The following DCLK1 variants were observed in gnomAD, a reference collection of about 807,000 sequenced individuals.
The protein encoded by DCLK1 is doublecortin like kinase 1, also known as serine/threonine-protein kinase DCLK1.
A neutral mutation model predicts 86.2 loss-of-function variants in DCLK1; 16 were observed. The ratio of observed to expected loss-of-function variants is 0.19; its 90% CI spans 0.13 to 0.28. DCLK1 has a LOEUF of 0.28. DCLK1 is among the 10% of genes least tolerant of loss of function. The pLI is 1.00. For missense variants in DCLK1, 590 were observed against 940.2 expected, an observed-to-expected ratio of 0.63 and a Z score of 4.87; for synonymous variants, 369 against 370.5, an observed-to-expected ratio of 1.00 and a Z score of 0.05.
intron 3 of DCLK1, among the ~76,000 whole-genome samples, chr13:36,002,440 C>T (rs567139475): frequency 6.6e-6 from 1 of 152,114 alleles, no homozygotes; most frequent in African/African-American, 2.4e-5. Flanking sequence ...TATCCTTCAA[C>T]GTTAAATAAC....
chr13:36,124,002 G>C (rs1037225489), intron 2 of DCLK1, among the ~76,000 whole-genome samples: 1 of 152,174 alleles, frequency 6.6e-6, no homozygotes, highest in African/African-American at 2.4e-5. Flanking sequence ...TCATTTCTGG[G>C]TGGGAAACTG....
intron 3 of DCLK1, among the ~76,000 whole-genome samples, chr13:35,991,352 T>A (rs571499495): frequency 6.6e-6 from 1 of 152,244 alleles, no homozygotes; most frequent in Non-Finnish European, 1.5e-5. Context: ...CATTTCCTTA[T>A]GAAGACTCCT....
At chr13:36,088,397 G>A (rs1273307049) in intron 3 of DCLK1, among the ~76,000 whole-genome samples, 1 of 152,188 alleles carries the variant, frequency 6.6e-6, no homozygotes, top group Admixed American at 6.5e-5. Flanking sequence ...TGTACTTCAG[G>A]AGCAGCCTCA....
At chr13:35,948,379 A>G (rs893816253) in intron 3 of DCLK1, among the ~76,000 whole-genome samples, 1 of 152,182 alleles carries the variant, frequency 6.6e-6, no homozygotes, top group African/African-American at 2.4e-5. Context: ...TAGATGTTGT[A>G]ATAGCATTTT....
chr13:35,983,395 A>G (rs1005692315), intron 3 of DCLK1, among the ~76,000 whole-genome samples: 3 of 152,148 alleles, frequency 2.0e-5, no homozygotes, highest in Non-Finnish European at 4.4e-5. Flanking sequence ...CTAGGAGCCA[A>G]GTTTGGCCAA....
intron 3 of DCLK1, among the ~76,000 whole-genome samples, chr13:36,069,222 T>C (rs2153160943): frequency 6.6e-6 from 1 of 151,592 alleles, no homozygotes; most frequent in East Asian, 2.0e-4. Flanking sequence ...AAAATATTAT[T>C]CTGAACTCTA....
intron 3 of DCLK1, among the ~76,000 whole-genome samples, chr13:36,021,252 A>G (rs1881765443): frequency 6.6e-6 from 1 of 151,994 alleles, no homozygotes; most frequent in Admixed American, 6.6e-5. Context: ...ATAAAAAAAA[A>G]AAGTAAAAGA....
chr13:35,875,147 C>T (rs926316203), intron 4 of DCLK1, among the ~76,000 whole-genome samples: 1 of 152,124 alleles, frequency 6.6e-6, no homozygotes, highest in African/African-American at 2.4e-5. Flanking sequence ...GTTTATGCAA[C>T]ACATTGTTGT....
intron 3 of DCLK1, among the ~76,000 whole-genome samples, chr13:35,966,992 G>A (rs1878783684): frequency 6.6e-6 from 1 of 150,434 alleles, no homozygotes; most frequent in African/African-American, 2.5e-5. Flanking sequence ...GAGCCCTTCT[G>A]CCCGGCTGCC....
intron 3 of DCLK1, among the ~76,000 whole-genome samples, chr13:36,013,820 C>T (rs1398491666): frequency 1.3e-5 from 2 of 152,192 alleles, no homozygotes; most frequent in Non-Finnish European, 2.9e-5. Context: ...GGCGCCCCTC[C>T]CCCAGCCTCT....
At chr13:35,909,065 G>A (rs1309255796) in intron 4 of DCLK1, among the ~76,000 whole-genome samples, 1 of 152,186 alleles carries the variant, frequency 6.6e-6, no homozygotes, top group African/African-American at 2.4e-5. Flanking sequence ...GCAGAGACAG[G>A]CTCCTAATTA....
chr13:35,927,536 C>T (rs1405216931), intron 4 of DCLK1, among the ~76,000 whole-genome samples: 1 of 152,186 alleles, frequency 6.6e-6, no homozygotes, highest in Non-Finnish European at 1.5e-5. Context: ...GCATTATTCT[C>T]ATTACAGAAT....
chr13:36,105,321 C>CA (rs1330972784), intron 3 of DCLK1, among the ~76,000 whole-genome samples: 4 of 151,540 alleles, frequency 2.6e-5, no homozygotes, highest in Non-Finnish European at 4.4e-5. Flanking sequence ...GATTTTTTTC[C>CA]AAAAAAAATT....
intron 3 of DCLK1, among the ~76,000 whole-genome samples, chr13:35,953,687 G>A (rs1283167586): frequency 6.6e-6 from 1 of 152,156 alleles, no homozygotes; most frequent in African/African-American, 2.4e-5. Context: ...TTCAAACAAA[G>A]GCAATAAAAG....
At chr13:36,119,909 A>G (rs1043696461) in intron 2 of DCLK1, among the ~76,000 whole-genome samples, 1 of 152,180 alleles carries the variant, frequency 6.6e-6, no homozygotes, top group Non-Finnish European at 1.5e-5. Flanking sequence ...TCATTGCACC[A>G]TGATTGTGTG....
chr13:35,938,133 G>A (rs777302051), intron 4 of DCLK1, among the ~76,000 whole-genome samples: 2 of 152,162 alleles, frequency 1.3e-5, no homozygotes, highest in Non-Finnish European at 1.5e-5. Context: ...GAGAGAAGAT[G>A]AGGAAAGATA....
At chr13:35,909,494 C>T (rs1475653729) in intron 4 of DCLK1, among the ~76,000 whole-genome samples, 1 of 151,948 alleles carries the variant, frequency 6.6e-6, no homozygotes, top group African/African-American at 2.4e-5. Context: ...TGATACTCAC[C>T]TCATGGTTTT....
At chr13:35,914,331 AAATATATATATATATATACATATAT>A (rs1276806025) in intron 4 of DCLK1, among the ~76,000 whole-genome samples, 15 of 12,656 alleles carry the variant, frequency 1.2e-3, no homozygotes, top group Admixed American at 2.2e-3. Flanking sequence ...GAAAAAAAAA[AAATATATATATATATATACATATAT>A]ATATATATAT....
chr13:35,994,387 C>T (rs1880383239), intron 3 of DCLK1, among the ~76,000 whole-genome samples: 1 of 152,176 alleles, frequency 6.6e-6, no homozygotes, highest in Non-Finnish European at 1.5e-5. Flanking sequence ...AATAGTCAAT[C>T]ACATTACAGC....
Sources: gnomAD v4.1 joint callset for allele counts (sites outside exome capture counted in the v4.1 genomes callset) on GRCh38, gnomAD v4.1.1 for gene constraint, MANE v1.5 for transcripts, NCBI Gene and HGNC (gene_info 2026-07-23, HGNC 2026-07-21) for gene names.